Variants in APBB2 observed in about 807,000 individuals in gnomAD.
The protein encoded by APBB2 is amyloid beta precursor protein binding family B member 2, also known as Fe65-like 1.
Under a neutral mutation model 82.5 loss-of-function variants are expected in APBB2, and 38 were observed. The ratio of observed to expected loss-of-function variants is 0.46; its 90% CI spans 0.36 to 0.60. The LOEUF is 0.60. APBB2 is among the 20% of genes least tolerant of loss of function. The pLI is 0.00. For synonymous variants in APBB2, 341 were observed against 368.2 expected (o/e 0.93, Z 0.85); for missense variants, 772 against 972.3 (o/e 0.79, Z 2.74).
At chr4:41,054,697 G>A (rs989961960) in intron 4 of APBB2, among the ~76,000 whole-genome samples, 12 of 152,078 alleles carry the variant, frequency 7.9e-5, no homozygotes, top group African/African-American at 2.7e-4. Flanking sequence ...TCTATATAAA[G>A]TATAAATGGG....
intron 10 of APBB2, among the ~76,000 whole-genome samples, chr4:40,930,786 C>T (rs1784049077): frequency 1.3e-5 from 2 of 152,218 alleles, no homozygotes; most frequent in Admixed American, 1.3e-4. Context: ...CTCGCTCTGT[C>T]GCCCAGGCTG....
chr4:41,042,469 A>T (rs548546034), intron 4 of APBB2, among the ~76,000 whole-genome samples: 1 of 152,156 alleles, frequency 6.6e-6, no homozygotes, highest in Non-Finnish European at 1.5e-5. Context: ...TAACCTTGCA[A>T]TCCCTTTCCC....
intron 4 of APBB2, among the ~76,000 whole-genome samples, chr4:41,037,047 A>T (rs1005058232): frequency 6.6e-6 from 1 of 152,244 alleles, no homozygotes; most frequent in Non-Finnish European, 1.5e-5. Context: ...AATACTTAAA[A>T]GGTAGCGCAA....
intron 2 of APBB2, among the ~76,000 whole-genome samples, chr4:41,105,916 T>C (rs182279651): frequency 2.0e-5 from 3 of 151,622 alleles, no homozygotes; most frequent in African/African-American, 7.3e-5. Flanking sequence ...TAACCAACTA[T>C]TATAATCAAC....
chr4:41,166,650 C>A (rs1427663943), intron 1 of APBB2, among the ~76,000 whole-genome samples: 2 of 151,270 alleles, frequency 1.3e-5, no homozygotes, highest in South Asian at 4.2e-4. Flanking sequence ...AATCCCAACA[C>A]TTTGGGAGGC....
At chr4:41,052,021 G>A (rs1218756839) in intron 4 of APBB2, among the ~76,000 whole-genome samples, 1 of 152,160 alleles carries the variant, frequency 6.6e-6, no homozygotes, top group African/African-American at 2.4e-5. Flanking sequence ...CTGTGTAAGT[G>A]TTAACTGTCA....
At position 41,018,311 on chromosome 4, in the gene APBB2, G is replaced by A. The variant is rs1445486141; in HGVS notation, c.20-3913C>T. ...CCTGCTATGTGCTTTCAGGCTTGCA[G>A]AAGAAAAACACACAATAAAGTCACA... On this transcript the variant is annotated intron_variant, in intron 5 of 17. Coordinates refer to ENST00000508593, the MANE Select transcript of APBB2 (RefSeq NM_004307.2). Among the ~76,000 whole-genome samples, 6 of 152,222 alleles carry A rather than the reference G, an allele frequency of 3.9e-5. No individual in the cohort carries two copies. The East Asian group carries it at 1.2e-3, about 29-fold the overall frequency.
At position 40,934,928 on chromosome 4, in the gene APBB2, C is replaced by T. The variant is rs909764191; in HGVS notation, c.1107+149G>A. 14 of 728,256 alleles carry T rather than the reference C, an allele frequency of 1.9e-5. No homozygotes were observed. The African/African-American group carries it at 2.1e-4, about 11-fold the overall frequency. The allele number at this position is 728,256 out of a possible 1,614,324, so 45.1% of individuals were successfully genotyped here. On this transcript the variant is annotated intron_variant, in intron 8 of 17. Coordinates refer to ENST00000508593, the MANE Select transcript of APBB2 (RefSeq NM_004307.2). ...AATGGGAGACACCAAAAAAAGGCAA[C>T]AGGAGTGTGAGCTGAATGCCCCTAG...
intron 1 of APBB2, among the ~76,000 whole-genome samples, chr4:41,176,787 C>T (rs1560960382): frequency 6.6e-6 from 1 of 152,018 alleles, no homozygotes. Context: ...TTTCATAAAG[C>T]ATTTTGGGTT....
chr4:41,037,691 C>A (rs564385200), intron 4 of APBB2, among the ~76,000 whole-genome samples: 1 of 152,042 alleles, frequency 6.6e-6, no homozygotes, highest in South Asian at 2.1e-4. Flanking sequence ...TTTCTACTGG[C>A]GAAGTCCTGA....
At chr4:40,872,447 A>G (rs1765777020) in intron 12 of APBB2, among the ~76,000 whole-genome samples, 1 of 152,202 alleles carries the variant, frequency 6.6e-6, no homozygotes, top group African/African-American at 2.4e-5. Flanking sequence ...CATGTTAGAA[A>G]GTGCTTCATG....
At chr4:41,037,797 A>T (rs943655803) in intron 4 of APBB2, among the ~76,000 whole-genome samples, 1 of 152,134 alleles carries the variant, frequency 6.6e-6, no homozygotes, top group South Asian at 2.1e-4. Context: ...AGGCGGGTGG[A>T]TTACGAGGTT....
intron 10 of APBB2, among the ~76,000 whole-genome samples, chr4:40,905,334 C>CT (rs1560852804): frequency 6.6e-6 from 1 of 152,154 alleles, no homozygotes; most frequent in East Asian, 1.9e-4. Context: ...CCAGCGCACA[C>CT]GCAATCATAC....
intron 1 of APBB2, among the ~76,000 whole-genome samples, chr4:41,168,090 G>A (rs1465418725): frequency 6.6e-6 from 1 of 152,000 alleles, no homozygotes; most frequent in East Asian, 2.0e-4. Flanking sequence ...CTAACATGGT[G>A]AAACCTCATC....
At chr4:41,175,643 G>A (rs918269009) in intron 1 of APBB2, among the ~76,000 whole-genome samples, 3 of 151,948 alleles carry the variant, frequency 2.0e-5, no homozygotes, top group South Asian at 4.2e-4. Flanking sequence ...ATAGTAAATT[G>A]TATATAAACA....
intron 1 of APBB2, among the ~76,000 whole-genome samples, chr4:41,190,312 C>T (rs922877235): frequency 1.8e-4 from 25 of 141,004 alleles, no homozygotes; most frequent in African/African-American, 6.7e-4. Context: ...AGCGCAGTGC[C>T]GCGATCTCGG....
chr4:40,953,816 G>C (rs956923972), intron 6 of APBB2, among the ~76,000 whole-genome samples: 1 of 152,230 alleles, frequency 6.6e-6, no homozygotes, highest in African/African-American at 2.4e-5. Context: ...AGTGGGAGCT[G>C]AAAGCCATCG....
At chr4:41,186,425 T>C (rs1295304846) in intron 1 of APBB2, among the ~76,000 whole-genome samples, 2 of 152,216 alleles carry the variant, frequency 1.3e-5, no homozygotes, top group African/African-American at 4.8e-5. Flanking sequence ...GGGCTGTGTA[T>C]GTATGCTCAC....
At chr4:41,048,234 A>C (rs1485935903) in intron 4 of APBB2, among the ~76,000 whole-genome samples, 1 of 152,242 alleles carries the variant, frequency 6.6e-6, no homozygotes, top group Non-Finnish European at 1.5e-5. Context: ...CCAAAAGTTT[A>C]AATTTTGGAG....
Sources: allele counts gnomAD v4.1 joint callset (sites outside exome capture counted in the v4.1 genomes callset), GRCh38; gene constraint gnomAD v4.1.1; transcripts MANE v1.5; gene names NCBI Gene and HGNC (gene_info 2026-07-23, HGNC 2026-07-21).